CLEC2A: variants seen among roughly 807,000 people sequenced by gnomAD.
The protein encoded by CLEC2A is keratinocyte-associated C-type lectin.
In CLEC2A, 19 loss-of-function variants were observed where a neutral mutation model predicts 18.6. That is an observed-to-expected ratio of 1.02 (90% CI 0.71 to 1.50). The LOEUF is 1.50. Among genes scored for constraint, CLEC2A ranks in the 40% most tolerant of loss-of-function variants. The pLI, the probability that CLEC2A is intolerant of heterozygous loss-of-function variation, is 0.00. For missense variants in CLEC2A, 190 were observed against 207.9 expected, an observed-to-expected ratio of 0.91 and a Z score of 0.53; for synonymous variants, 74 against 64.0, an observed-to-expected ratio of 1.16 and a Z score of -0.75.
chr12:9,889,067 G>A, the CLEC2A span, among the ~76,000 whole-genome samples: 172 of 152,266 alleles, frequency 1.1e-3, 2 homozygotes, highest in Admixed American at 4.0e-3. Context: ...AATATTTATC[G>A]AGCATCCACT....
chr12:9,882,168 T>C, the CLEC2A span, among the ~76,000 whole-genome samples: 5 of 152,294 alleles, frequency 3.3e-5, no homozygotes, highest in South Asian at 4.1e-4. Flanking sequence ...GTTGGCTTTG[T>C]TTGCTTTTTC....
At chr12:9,911,753 A>G (rs1198445716), downstream of CLEC2A, among the ~76,000 whole-genome samples, 1 of 152,192 alleles carries the variant, frequency 6.6e-6, no homozygotes, top group Non-Finnish European at 1.5e-5. Flanking sequence ...CAGTATACAC[A>G]CAGACAGGCA....
intron 2 of CLEC2A, among the ~76,000 whole-genome samples, chr12:9,924,034 C>G (rs1236928378): frequency 6.6e-6 from 1 of 151,932 alleles, no homozygotes; most frequent in Non-Finnish European, 1.5e-5. Context: ...TTAATGGGTG[C>G]AGCACACCAA....
At chr12:9,898,432 A>C (rs1862781893), downstream of CLEC2A, among the ~76,000 whole-genome samples, 1 of 152,106 alleles carries the variant, frequency 6.6e-6, no homozygotes, top group Non-Finnish European at 1.5e-5. Context: ...CTTCCCTGGT[A>C]TGTAAACCCC....
chr12:9,930,067 A>G (rs1158345706), intron 1 of CLEC2A, among the ~76,000 whole-genome samples: 1 of 152,176 alleles, frequency 6.6e-6, no homozygotes, highest in African/African-American at 2.4e-5. Flanking sequence ...ACAGTTCTGG[A>G]GACAAGAAGT....
At chr12:9,900,051 A>G (rs975076812) in intron 4 of CLEC2A, among the ~76,000 whole-genome samples, 3 of 152,172 alleles carry the variant, frequency 2.0e-5, no homozygotes, top group Non-Finnish European at 2.9e-5. Flanking sequence ...CTTGTGACAT[A>G]CCCAGCTAAC....
At chr12:9,893,061 G>T in the CLEC2A span, 2 of 1,535,826 alleles carry the variant, frequency 1.3e-6, no homozygotes, top group Non-Finnish European at 1.7e-6. Context: ...GTTGAACGAA[G>T]GGAAATGTTA....
At chr12:9,904,349 G>A (rs1003235080) in intron 4 of CLEC2A, among the ~76,000 whole-genome samples, 22 of 152,170 alleles carry the variant, frequency 1.4e-4, no homozygotes, top group African/African-American at 4.6e-4. Flanking sequence ...GAGTGGAAAC[G>A]GGATGATTTA....
the CLEC2A span, chr12:9,888,814 T>A: frequency 7.5e-7 from 1 of 1,341,216 alleles, no homozygotes; most frequent in Non-Finnish European, 1.0e-6. Context: ...GTGCTACTCT[T>A]AGGGGTAAAT....
At chr12:9,888,353 G>T in the CLEC2A span, among the ~76,000 whole-genome samples, 1 of 151,892 alleles carries the variant, frequency 6.6e-6, no homozygotes, top group Non-Finnish European at 1.5e-5. Context: ...AGCTGGGCAT[G>T]GTGGTGCGCG....
chr12:9,879,149 GAAAAA>G, the CLEC2A span, among the ~76,000 whole-genome samples: 2 of 149,204 alleles, frequency 1.3e-5, no homozygotes, highest in Non-Finnish European at 1.5e-5. Context: ...TTTGGGAAAT[GAAAAA>G]AAAAGAAAAG....
chr12:9,927,096 A>G (rs760733849), intron 1 of CLEC2A, among the ~76,000 whole-genome samples: 1 of 152,036 alleles, frequency 6.6e-6, no homozygotes, highest in East Asian at 1.9e-4. Context: ...ATTTTGAGAA[A>G]TGTGCCTTTA....
intron 1 of CLEC2A, among the ~76,000 whole-genome samples, chr12:9,929,469 T>TATC (rs1248689929): frequency 6.6e-6 from 1 of 152,172 alleles, no homozygotes; most frequent in African/African-American, 2.4e-5. Context: ...AACAGGGACT[T>TATC]ATCTCAGATA....
downstream of CLEC2A, among the ~76,000 whole-genome samples, chr12:9,894,248 C>G (rs897920272): frequency 6.7e-6 from 1 of 150,158 alleles, no homozygotes; most frequent in Non-Finnish European, 1.5e-5. Flanking sequence ...GTGGCATGAT[C>G]GTGGCTTACT....
At chr12:9,916,049 TA>T (rs1174585220) in intron 4 of CLEC2A, among the ~76,000 whole-genome samples, 1 of 151,376 alleles carries the variant, frequency 6.6e-6, no homozygotes, top group East Asian at 1.9e-4. Flanking sequence ...ATTATATAAA[TA>T]AAAAAGTAAG....
At chr12:9,892,966 A>G in the CLEC2A span, 6 of 1,345,488 alleles carry the variant, frequency 4.5e-6, no homozygotes, top group African/African-American at 4.4e-5. Flanking sequence ...TAATATTTCT[A>G]TCTTCCCTGT....
At chr12:9,905,965 T>TTAGTCCTGGATTA (rs1862900779) in intron 4 of CLEC2A, among the ~76,000 whole-genome samples, 1 of 152,126 alleles carries the variant, frequency 6.6e-6, no homozygotes, top group South Asian at 2.1e-4. Flanking sequence ...TTTGAAATGG[T>TTAGTCCTGGATTA]GTTAGTCCTG....
intron 1 of CLEC2A, among the ~76,000 whole-genome samples, chr12:9,930,383 T>C (rs1410165952): frequency 6.6e-6 from 1 of 152,204 alleles, no homozygotes; most frequent in Admixed American, 6.5e-5. Flanking sequence ...ATTATTTCCA[T>C]AATGTTTTAT....
At chr12:9,895,749 G>T (rs1233383225), downstream of CLEC2A, 1 of 1,535,850 alleles carries the variant, frequency 6.5e-7, no homozygotes, top group African/African-American at 1.4e-5. Context: ...GAAACTGGGT[G>T]TATTCTGAAG....
Sources: allele counts gnomAD v4.1 joint callset (sites outside exome capture counted in the v4.1 genomes callset), GRCh38; gene constraint gnomAD v4.1.1; transcripts MANE v1.5; gene names NCBI Gene and HGNC (gene_info 2026-07-23, HGNC 2026-07-21).